NRG1: variants seen among roughly 807,000 people sequenced by gnomAD.
The protein encoded by NRG1 is pro-neuregulin-1, membrane-bound isoform.
In NRG1, 18 loss-of-function variants were observed where a neutral mutation model predicts 63.8. That is an observed-to-expected ratio of 0.28 (90% CI 0.19 to 0.42). The LOEUF is 0.42. Ranked by LOEUF, NRG1 falls within the 10% of genes least tolerant of loss-of-function variation. NRG1 has a pLI of 1.00. For synonymous variants in NRG1, 302 were observed against 301.3 expected (o/e 1.00, Z -0.02); for missense variants, 762 against 814.7 (o/e 0.94, Z 0.79).
chr8:31,805,827 C>CAAA (rs58107730), intron 1 of NRG1, among the ~76,000 whole-genome samples: 1,228 of 105,062 alleles, frequency 0.012, 36 homozygotes, highest in African/African-American at 0.018. Flanking sequence ...GACTCCGTCT[C>CAAA]AAAAAAAAAA....
intron 1 of NRG1, among the ~76,000 whole-genome samples, chr8:31,883,207 C>T (rs569679461): frequency 6.6e-6 from 1 of 152,254 alleles, no homozygotes; most frequent in South Asian, 2.1e-4. Flanking sequence ...AGGGAAGACC[C>T]TCCACCAGCA....
chr8:32,695,754 TG>T (rs1813139021), intron 5 of NRG1, among the ~76,000 whole-genome samples: 1 of 152,202 alleles, frequency 6.6e-6, no homozygotes. Flanking sequence ...TGTCATTAAG[TG>T]CCATCTATTA....
chr8:31,954,789 A>G (rs556195094), intron 1 of NRG1, among the ~76,000 whole-genome samples: 1 of 152,296 alleles, frequency 6.6e-6, no homozygotes, highest in African/African-American at 2.4e-5. Context: ...TTTCTTGACA[A>G]GATAGCGATT....
intron 1 of NRG1, among the ~76,000 whole-genome samples, chr8:32,290,004 G>T (rs2129473943): frequency 6.6e-6 from 1 of 152,280 alleles, no homozygotes; most frequent in Admixed American, 6.5e-5. Flanking sequence ...GCTTTTGGAG[G>T]TGAAGCCAGG....
At chr8:32,647,994 G>T (rs770213928) in intron 5 of NRG1, 1 of 1,614,074 alleles carries the variant, frequency 6.2e-7, no homozygotes, top group Non-Finnish European at 8.5e-7. Flanking sequence ...CCTCTGCATC[G>T]CCGGCCTCAA....
At chr8:32,332,213 T>C (rs770908328) in intron 1 of NRG1, among the ~76,000 whole-genome samples, 3 of 152,210 alleles carry the variant, frequency 2.0e-5, no homozygotes, top group Non-Finnish European at 4.4e-5. Flanking sequence ...TTTCACACTT[T>C]AGATATGATC....
intron 1 of NRG1, among the ~76,000 whole-genome samples, chr8:32,312,218 C>A (rs1031820392): frequency 7.8e-6 from 1 of 128,842 alleles, no homozygotes; most frequent in Non-Finnish European, 1.6e-5. Flanking sequence ...GACTGGAGTG[C>A]AATGGCATGA....
rs1349775378 is a variant in NRG1, at chr8:31,708,430, A to T, written c.37+68999A>T. Among the ~76,000 whole-genome samples the T allele has an allele frequency of 3.4e-5, 5 of 148,870 alleles. No individual in the cohort carries two copies. The East Asian group carries it at 1.0e-3, about 30-fold the overall frequency. On this transcript the variant is annotated intron_variant, in intron 1 of 10. Coordinates refer to the NRG1 transcript ENST00000519301. ...AACTTCCGATTATTACTTGAGAAAG[A>T]AAAATAAACATAATTGTTTTTTTTT...
rs184721432 is a variant in NRG1, at chr8:31,809,349, C to T, written c.37+169918C>T. On this transcript the variant is annotated intron_variant, in intron 1 of 10. Coordinates refer to the NRG1 transcript ENST00000519301. ...CTCTCTCTCTCCATATATATATATA[C>T]ACACACACACATATATATACACGTA... is the stretch of plus-strand genomic sequence containing the variant. Among the ~76,000 whole-genome samples, 609 of 104,122 alleles carry T rather than the reference C, an allele frequency of 5.8e-3. 3 individuals are homozygous for T. The highest frequency in any genetic ancestry group is 0.037 in the Middle Eastern group (6 of 160). The allele number at this position is 104,122 out of a possible 152,430, so 68.3% of individuals were successfully genotyped here. A position where few individuals can be genotyped will look rare whatever the true frequency, so the allele number is the denominator to read the frequency against.
chr8:32,675,133 G>A (rs1395131044), intron 5 of NRG1, among the ~76,000 whole-genome samples: 2 of 152,030 alleles, frequency 1.3e-5, no homozygotes, highest in Non-Finnish European at 2.9e-5. Flanking sequence ...TCATATTACT[G>A]GCCATAAAAA....
intron 1 of NRG1, among the ~76,000 whole-genome samples, chr8:31,706,292 A>T (rs1291406982): frequency 6.6e-6 from 1 of 152,154 alleles, no homozygotes; most frequent in East Asian, 1.9e-4. Flanking sequence ...TTTTTACAAA[A>T]AATGTAGCAC....
chr8:32,512,965 T>G (rs1829388115), intron 1 of NRG1, among the ~76,000 whole-genome samples: 1 of 152,152 alleles, frequency 6.6e-6, no homozygotes, highest in Non-Finnish European at 1.5e-5. Context: ...TTAACTTTTT[T>G]GTTTATTTGT....
chr8:32,092,763 A>G (rs1249614691), intron 1 of NRG1, among the ~76,000 whole-genome samples: 4 of 152,090 alleles, frequency 2.6e-5, no homozygotes, highest in Non-Finnish European at 5.9e-5. Context: ...AGCCTTGAGG[A>G]CCACGGAGAT....
chr8:32,027,719 C>A (rs1817679874), intron 1 of NRG1, among the ~76,000 whole-genome samples: 1 of 152,112 alleles, frequency 6.6e-6, no homozygotes. Context: ...AGGCAGGGAT[C>A]TAGTCTTAGA....
intron 1 of NRG1, among the ~76,000 whole-genome samples, chr8:32,486,081 C>T (rs181882184): frequency 4.6e-5 from 7 of 152,030 alleles, no homozygotes; most frequent in Non-Finnish European, 8.8e-5. Context: ...GCGCTCCCCC[C>T]CTCCCCATGC....
intron 1 of NRG1, among the ~76,000 whole-genome samples, chr8:32,095,265 C>T (rs553458251): frequency 6.6e-6 from 1 of 152,198 alleles, no homozygotes; most frequent in Admixed American, 6.5e-5. Flanking sequence ...TATAAGATAA[C>T]ATGAGCAGAG....
intron 1 of NRG1, among the ~76,000 whole-genome samples, chr8:32,416,369 C>T (rs1815918699): frequency 6.7e-6 from 1 of 150,204 alleles, no homozygotes; most frequent in Non-Finnish European, 1.5e-5. Context: ...CTTTCACCTC[C>T]TTCCCTTCCT....
chr8:32,190,972 T>C (rs1490788934), intron 1 of NRG1, among the ~76,000 whole-genome samples: 1 of 152,254 alleles, frequency 6.6e-6, no homozygotes, highest in Non-Finnish European at 1.5e-5. Flanking sequence ...TTATACTGGA[T>C]AGTAGACAAA....
intron 1 of NRG1, among the ~76,000 whole-genome samples, chr8:32,157,119 C>G (rs1000680559): frequency 1.3e-5 from 2 of 148,390 alleles, no homozygotes; most frequent in African/African-American, 5.0e-5. Context: ...ACCTGTAATC[C>G]CAGCACTTTG....
Sources: gnomAD v4.1 joint callset for allele counts (sites outside exome capture counted in the v4.1 genomes callset) on GRCh38, gnomAD v4.1.1 for gene constraint, MANE v1.5 for transcripts, NCBI Gene and HGNC (gene_info 2026-07-23, HGNC 2026-07-21) for gene names.